GSE1: variants seen among roughly 807,000 people sequenced by gnomAD.
The protein encoded by GSE1 is Gse1 coiled-coil protein.
Under a neutral mutation model 112.6 loss-of-function variants are expected in GSE1, and 32 were observed. The ratio of observed to expected loss-of-function variants is 0.28; its 90% CI spans 0.21 to 0.38. The LOEUF is 0.38. GSE1 is among the 10% of genes least tolerant of loss of function. The pLI is 1.00. For synonymous variants in GSE1, 1,115 were observed against 735.6 expected, an observed-to-expected ratio of 1.52 and a Z score of -8.35; for missense variants, 2,348 against 1,699.2, an observed-to-expected ratio of 1.38 and a Z score of -6.71.
intron 2 of GSE1, among the ~76,000 whole-genome samples, chr16:85,446,336 C>T (rs2049511355): frequency 6.6e-6 from 1 of 152,226 alleles, no homozygotes; most frequent in African/African-American, 2.4e-5. Context: ...AGCTGCAATG[C>T]TCTCTGCCTC....
intron 1 of GSE1, among the ~76,000 whole-genome samples, chr16:85,230,985 A>G (rs1338842366): frequency 6.6e-6 from 1 of 151,942 alleles, no homozygotes; most frequent in East Asian, 1.9e-4. Context: ...GGACGGATGG[A>G]TAGAAGGACA....
intron 14 of GSE1, among the ~76,000 whole-genome samples, chr16:85,670,024 G>C (rs2053201605): frequency 1.3e-5 from 2 of 152,238 alleles, no homozygotes; most frequent in Admixed American, 6.5e-5. Flanking sequence ...AGTCCTGTTA[G>C]ATTTTCAGTT....
chr16:85,278,642 G>C (rs1428972199), intron 1 of GSE1, among the ~76,000 whole-genome samples: 1 of 152,142 alleles, frequency 6.6e-6, no homozygotes, highest in African/African-American at 2.4e-5. Context: ...TAAGTGTCTT[G>C]AATTATCAGT....
At chr16:85,217,104 T>G (rs2075317664) in intron 1 of GSE1, among the ~76,000 whole-genome samples, 1 of 152,238 alleles carries the variant, frequency 6.6e-6, no homozygotes, top group South Asian at 2.1e-4. Flanking sequence ...ACTCAGCCCC[T>G]TTCTGCTTCC....
At chr16:85,340,627 C>G (rs899622589) in intron 1 of GSE1, among the ~76,000 whole-genome samples, 5 of 152,180 alleles carry the variant, frequency 3.3e-5, no homozygotes, top group Non-Finnish European at 5.9e-5. Flanking sequence ...GGCGACAGAG[C>G]AAGACCCTGT....
intron 2 of GSE1, among the ~76,000 whole-genome samples, chr16:85,370,946 C>T (rs1019855875): frequency 1.3e-5 from 2 of 152,220 alleles, no homozygotes; most frequent in Non-Finnish European, 2.9e-5. Flanking sequence ...GCAGCCTGTG[C>T]CAGGGTGGGG....
intron 2 of GSE1, among the ~76,000 whole-genome samples, chr16:85,482,488 A>C (rs2050710467): frequency 7.5e-6 from 1 of 132,650 alleles, no homozygotes; most frequent in Non-Finnish European, 1.6e-5. Flanking sequence ...CTCAGCCTCC[A>C]CGTGACTCAG....
At chr16:85,358,953 A>C (rs2047009236) in intron 2 of GSE1, among the ~76,000 whole-genome samples, 1 of 152,210 alleles carries the variant, frequency 6.6e-6, no homozygotes, top group African/African-American at 2.4e-5. Flanking sequence ...CAGTTTCCTC[A>C]TTTGGGAAAT....
At chr16:85,208,363 G>GCTGCCACTCAGTACTCCCTC (rs1163763931) in intron 1 of GSE1, among the ~76,000 whole-genome samples, 2 of 152,174 alleles carry the variant, frequency 1.3e-5, no homozygotes, top group Non-Finnish European at 2.9e-5. Flanking sequence ...TGGCATCTCG[G>GCTGCCACTCAGTACTCCCTC]CTGGTGCTCC....
chr16:85,661,886 G>T (rs1411019788), intron 9 of GSE1, 121 bp downstream of exon 9: 1 of 983,230 alleles, frequency 1.0e-6, no homozygotes, highest in East Asian at 2.7e-5. Context: ...GGTAGTCCCA[G>T]GCCCCAGGTG....
chr16:85,671,434 C>T (rs1482040335), intron 15 of GSE1, among the ~76,000 whole-genome samples: 10 of 23,022 alleles, frequency 4.3e-4, no homozygotes, highest in East Asian at 3.3e-3. Context: ...AGCGAGACTC[C>T]GTCTCAAAAA....
In GSE1 at chr16:85,661,777, C is replaced by G. The variant is rs776791725; in HGVS notation, c.2260+12C>G. On this transcript the variant is annotated intron_variant, in intron 9 of 15. Transcript: ENST00000253458. ...GGCCCAGGAGAAAGGTCTGCCTCCCCGCGGGCCCCGAGCTGCTCAGGGAGA... is the reference window on the plus strand; with the variant it reads ...GGCCCAGGAGAAAGGTCTGCCTCCCGGCGGGCCCCGAGCTGCTCAGGGAGA... 62 of 1,493,314 alleles carry G rather than the reference C, an allele frequency of 4.2e-5. No individual in the cohort carries two copies. In the East Asian group the frequency reaches 1.3e-3, roughly 30 times the overall value. 92.5% of individuals were successfully genotyped at this position (1,493,314 alleles called of 1,614,324 possible).
At position 85,672,455 on chromosome 16, in the gene GSE1, G is replaced by A. The variant is rs558161220; in HGVS notation, c.3570G>A (p.Gln1190=). The A allele has an allele frequency of 1.8e-4, 288 of 1,610,828 alleles. 4 individuals are homozygous for A. Among genetic ancestry groups the A allele is most frequent in the South Asian group, 1.6e-3 (147 of 90,824 alleles). The change falls in exon 16 of 16, where the codon CAG becomes CAA. Residue 1190 remains glutamine (Q), a synonymous_variant. Transcript: ENST00000253458. ...TGGTCTCAGAAAGGGAGCGGCTCCA[G>A]GCAGAACTGGACCACTTACGAAAGT... ...QKMVSERERL[Q]AELDHLRKCL...
intron 1 of GSE1, among the ~76,000 whole-genome samples, chr16:85,224,535 C>T (rs1379564385): frequency 2.0e-5 from 3 of 152,064 alleles, no homozygotes; most frequent in Admixed American, 2.0e-4. Flanking sequence ...AGTATCCAGA[C>T]TCATTCATTC....
At chr16:85,668,675 T>C (rs896656806) in intron 14 of GSE1, among the ~76,000 whole-genome samples, 2 of 152,214 alleles carry the variant, frequency 1.3e-5, no homozygotes, top group African/African-American at 2.4e-5. Flanking sequence ...TGTCATTCTT[T>C]ATGTGGGCCC....
intron 2 of GSE1, among the ~76,000 whole-genome samples, chr16:85,527,430 G>A (rs1268426198): frequency 1.3e-5 from 2 of 152,294 alleles, no homozygotes; most frequent in Admixed American, 1.3e-4. Context: ...GGATTACCGG[G>A]GAGGCAGGGG....
At chr16:85,474,433 C>T (rs1239082249) in intron 2 of GSE1, among the ~76,000 whole-genome samples, 1 of 152,060 alleles carries the variant, frequency 6.6e-6, no homozygotes, top group Non-Finnish European at 1.5e-5. Context: ...GGGTGGGGGA[C>T]CTCGGGCAGT....
chr16:85,584,144 C>T (rs1278501867), intron 1 of GSE1, among the ~76,000 whole-genome samples: 1 of 151,966 alleles, frequency 6.6e-6, no homozygotes, highest in East Asian at 1.9e-4. Flanking sequence ...TCTTTGTGTG[C>T]GTGCGTGCCG....
chr16:85,431,734 CAGGGCCCAGAGGGTA>C (rs2151761546), intron 2 of GSE1, among the ~76,000 whole-genome samples: 1 of 152,340 alleles, frequency 6.6e-6, no homozygotes, highest in South Asian at 2.1e-4. Flanking sequence ...TCTGAGCACC[CAGGGCCCAGAGGGTA>C]TCTGGGCCGC....
Sources: gnomAD v4.1 joint callset for allele counts (sites outside exome capture counted in the v4.1 genomes callset) on GRCh38, gnomAD v4.1.1 for gene constraint, MANE v1.5 for transcripts, NCBI Gene and HGNC (gene_info 2026-07-23, HGNC 2026-07-21) for gene names.